The following NALCN variants were observed in gnomAD, a reference collection of about 807,000 sequenced individuals.
NALCN encodes sodium leak channel NALCN.
In NALCN, 111 loss-of-function variants were observed where a neutral mutation model predicts 225.3. That is an observed-to-expected ratio of 0.49 (90% CI 0.42 to 0.58). The LOEUF is 0.58. NALCN is among the 20% of genes least tolerant of loss of function. The pLI, the probability that NALCN is intolerant of heterozygous loss-of-function variation, is 0.00. For missense variants in NALCN, 1,378 were observed against 2,202.4 expected (o/e 0.63, Z 7.49); for synonymous variants, 764 against 769.0 (o/e 0.99, Z 0.11).
chr13:101,309,551 T>C (rs561738758), intron 7 of NALCN, among the ~76,000 whole-genome samples: 3 of 152,322 alleles, frequency 2.0e-5, no homozygotes, highest in East Asian at 3.9e-4. Flanking sequence ...ATTTTGTCTA[T>C]TGGCAAATAA....
chr13:101,062,602 A>G (rs1247335885), intron 40 of NALCN, among the ~76,000 whole-genome samples: 1 of 151,688 alleles, frequency 6.6e-6, no homozygotes, highest in African/African-American at 2.4e-5. Context: ...TTCCTTATTA[A>G]TTAATTTTTT....
At chr13:101,332,303 AG>A (rs1373825782) in intron 7 of NALCN, among the ~76,000 whole-genome samples, 4 of 151,194 alleles carry the variant, frequency 2.6e-5, no homozygotes, top group Non-Finnish European at 4.4e-5. Context: ...GCCTAGGCAC[AG>A]GATACTAAGA....
chr13:101,224,405 T>A (rs914049547), intron 13 of NALCN, among the ~76,000 whole-genome samples: 4 of 152,162 alleles, frequency 2.6e-5, no homozygotes, highest in African/African-American at 9.7e-5. Flanking sequence ...CCCAAATAAC[T>A]TTTTTCTCTT....
chr13:101,122,566 C>G (rs1159618290), intron 18 of NALCN, among the ~76,000 whole-genome samples: 1 of 152,148 alleles, frequency 6.6e-6, no homozygotes, highest in African/African-American at 2.4e-5. Flanking sequence ...ATTTAAAAAT[C>G]AGCAACTATA....
intron 2 of NALCN, among the ~76,000 whole-genome samples, chr13:101,397,399 C>T (rs4772378): frequency 0.1 from 15,439 of 149,950 alleles, 1,138 homozygotes; most frequent in East Asian, 0.32. Flanking sequence ...TATAGTCTCA[C>T]GTATATAACA....
chr13:101,118,255 T>TA (rs1409883960), intron 18 of NALCN, among the ~76,000 whole-genome samples: 4 of 151,880 alleles, frequency 2.6e-5, no homozygotes, highest in Admixed American at 2.6e-4. Flanking sequence ...AATAGTCTAT[T>TA]AAAAAAAACT....
At chr13:101,135,157 T>C (rs1329877107) in intron 17 of NALCN, among the ~76,000 whole-genome samples, 1 of 152,204 alleles carries the variant, frequency 6.6e-6, no homozygotes, top group Non-Finnish European at 1.5e-5. Flanking sequence ...ATCGTGCCGC[T>C]GCACCCCAGG....
intron 22 of NALCN, 115 bp downstream of exon 22, chr13:101,107,372 C>A: frequency 6.5e-7 from 1 of 1,528,358 alleles, no homozygotes; most frequent in East Asian, 2.3e-5. Context: ...TTAATTAGTC[C>A]GCAGTTTATT....
Position 101,068,840 on chromosome 13 carries a change from G to A in NALCN, c.4198-13C>T, listed in dbSNP as rs1473330872. The A allele has an allele frequency of 6.3e-7, 1 of 1,597,158 alleles. No homozygotes were observed. Among genetic ancestry groups the A allele is most frequent in the East Asian group, 2.3e-5 (1 of 44,266 alleles). The stretch of plus-strand genomic sequence containing the variant: ...ACGGAGGCTGAACCTTTGGGGCATT[G>A]GGGTGGAAGAAGGAGAGGATAAGAG... On this transcript the variant is annotated splice_polypyrimidine_tract_variant and intron_variant, in intron 37 of 43. Transcript: ENST00000251127.
intron 1 of NALCN, among the ~76,000 whole-genome samples, chr13:101,410,451 AATTGTATGTATATACAGTAT>A (rs746369517): frequency 2.2e-4 from 34 of 152,242 alleles, no homozygotes; most frequent in Non-Finnish European, 4.7e-4. Flanking sequence ...TTTGATTTAT[AATTGTATGTATATACAGTAT>A]ATTCTATTCT....
chr13:101,271,680 TTGTGCATGTGTG>T (rs1410862344), intron 10 of NALCN, among the ~76,000 whole-genome samples: 1 of 151,674 alleles, frequency 6.6e-6, no homozygotes, highest in African/African-American at 2.4e-5. Flanking sequence ...ACAAGTGTGT[TTGTGCATGTGTG>T]TGTGCATGTG....
chr13:101,313,546 T>G (rs2044435678), intron 7 of NALCN, among the ~76,000 whole-genome samples: 1 of 152,098 alleles, frequency 6.6e-6, no homozygotes, highest in Non-Finnish European at 1.5e-5. Flanking sequence ...AGAAGACATT[T>G]ATGCAGCCAA....
chr13:101,378,056 A>C (rs1188057805), intron 4 of NALCN, among the ~76,000 whole-genome samples: 2 of 152,058 alleles, frequency 1.3e-5, no homozygotes, highest in Non-Finnish European at 2.9e-5. Flanking sequence ...CTAGACTTTA[A>C]ATTTTTAAGT....
At chr13:101,174,324 C>A (rs1276653159) in intron 15 of NALCN, among the ~76,000 whole-genome samples, 1 of 152,108 alleles carries the variant, frequency 6.6e-6, no homozygotes, top group Non-Finnish European at 1.5e-5. Context: ...ATTGGATAAC[C>A]AGTTCTGATA....
At chr13:101,069,333 C>T (rs2032670904) in intron 37 of NALCN, among the ~76,000 whole-genome samples, 1 of 152,234 alleles carries the variant, frequency 6.6e-6, no homozygotes, top group Admixed American at 6.5e-5. Flanking sequence ...AGTGCACATG[C>T]AACTCATGTT....
chr13:101,366,589 C>A (rs2046382298), intron 6 of NALCN, among the ~76,000 whole-genome samples: 1 of 151,988 alleles, frequency 6.6e-6, no homozygotes, highest in Non-Finnish European at 1.5e-5. Flanking sequence ...AGCCATCATA[C>A]CTTAGCTTAA....
At chr13:101,098,060 C>T (rs990204039) in intron 27 of NALCN, among the ~76,000 whole-genome samples, 12 of 152,196 alleles carry the variant, frequency 7.9e-5, no homozygotes, top group African/African-American at 2.6e-4. Context: ...CTCCTTCCTC[C>T]TTGTTCGGTC....
At chr13:101,192,313 C>A (rs1011189482) in intron 13 of NALCN, among the ~76,000 whole-genome samples, 2 of 152,106 alleles carry the variant, frequency 1.3e-5, no homozygotes, top group African/African-American at 4.8e-5. Flanking sequence ...TGCTGTTGAG[C>A]AAATTAGAAA....
At chr13:101,304,929 T>C (rs2044105094) in intron 7 of NALCN, among the ~76,000 whole-genome samples, 1 of 151,902 alleles carries the variant, frequency 6.6e-6, no homozygotes, top group Admixed American at 6.6e-5. Flanking sequence ...CTGATTTTTG[T>C]ATTTTTAGTA....
Sources: gnomAD v4.1 joint callset for allele counts (sites outside exome capture counted in the v4.1 genomes callset) on GRCh38, gnomAD v4.1.1 for gene constraint, MANE v1.5 for transcripts, NCBI Gene and HGNC (gene_info 2026-07-23, HGNC 2026-07-21) for gene names.